Variants in GPRC5C observed in about 807,000 individuals in gnomAD.
GPRC5C encodes G protein-coupled receptor family C group 5 member C.
In GPRC5C, 22 loss-of-function variants were observed where a neutral mutation model predicts 31.4. That is an observed-to-expected ratio of 0.70 (90% CI 0.50 to 1.00). The LOEUF (loss-of-function observed/expected upper bound fraction) is 1.00, where lower values mean the gene tolerates loss of function less well. GPRC5C is among the 50% of genes least tolerant of loss of function. GPRC5C has a pLI of 0.00. For synonymous variants in GPRC5C, 249 were observed against 257.5 expected, an observed-to-expected ratio of 0.97 and a Z score of 0.32; for missense variants, 557 against 597.2, an observed-to-expected ratio of 0.93 and a Z score of 0.70.
rs1275213403 is a variant in GPRC5C, at chr17:74,439,869, C to T, written c.93C>T (p.Cys31=). The T allele has an allele frequency of 6.2e-7, 1 of 1,613,326 alleles. No individual in the cohort carries two copies. Among genetic ancestry groups the T allele is most frequent in the Non-Finnish European group, 8.5e-7 (1 of 1,180,022 alleles). The part of the protein sequence containing the change: ...AWAQGHVPPG[C]SQGLNPLYYN... Reference sequence around the variant, plus strand: ...CCCAGGGCCATGTCCCACCCGGCTGCAGCCAAGGCCTCAACCCCCTGTACT... The same window carrying T: ...CCCAGGGCCATGTCCCACCCGGCTGTAGCCAAGGCCTCAACCCCCTGTACT... Residue 31 remains cysteine (C), a synonymous_variant, in exon 2 of 4, where the codon TGC becomes TGT. Transcript: ENST00000392627.
At chr17:74,441,004 G>T (rs913015342) in intron 2 of GPRC5C, among the ~76,000 whole-genome samples, 177 bp downstream of exon 2, 4 of 151,904 alleles carry the variant, frequency 2.6e-5, no homozygotes, top group Non-Finnish European at 5.9e-5. Context: ...GTTGGGCATG[G>T]TAGATCATGC....
At chr17:74,435,015 T>C (rs547057668) in intron 1 of GPRC5C, among the ~76,000 whole-genome samples, 1 of 151,958 alleles carries the variant, frequency 6.6e-6, no homozygotes, top group East Asian at 1.9e-4. Context: ...GTCAGGAGAT[T>C]GAGACCATCC....
rs905589989 is a variant in GPRC5C, at chr17:74,440,686, AC to A, written c.912del (p.Lys305SerfsTer24). 6.2e-7 allele frequency: 1 copy of A among 1,608,472 alleles called. No individual in the cohort carries two copies. The highest frequency in any genetic ancestry group is 8.5e-7 in the Non-Finnish European group (1 of 1,175,696). ...FYVIPEVSQV[T>X]KSSPEQSYQG... ...CGTCATCCCCGAGGTCTCCCAGGTG[AC>A]CAAGTCCAGCCCAGAGCAAAGCTAC... is the stretch of plus-strand genomic sequence containing the variant. On this transcript the variant is annotated frameshift_variant, in exon 2 of 4. Coordinates refer to ENST00000392627, the MANE Select transcript of GPRC5C (RefSeq NM_022036.4). LOFTEE classifies it high-confidence loss of function. This position sits in a 1 kb window ranked among gnomAD's most constrained non-coding sequence, Gnocchi z 4.4.
intron 1 of GPRC5C, among the ~76,000 whole-genome samples, chr17:74,438,630 CT>C (rs1430808430): frequency 2.0e-5 from 3 of 152,112 alleles, no homozygotes; most frequent in African/African-American, 7.2e-5. Flanking sequence ...AACTCCTGGA[CT>C]CTAGCAATCT....
chr17:74,444,395 G>C (rs188584387), intron 3 of GPRC5C, among the ~76,000 whole-genome samples: 2 of 152,298 alleles, frequency 1.3e-5, no homozygotes, highest in Admixed American at 1.3e-4. Context: ...AGCAAGTCTC[G>C]ACCTTACACC....
chr17:74,435,124 C>T (rs2055414666), intron 1 of GPRC5C, among the ~76,000 whole-genome samples: 2 of 152,066 alleles, frequency 1.3e-5, no homozygotes, highest in African/African-American at 2.4e-5. Context: ...GAGGCTGAGG[C>T]AGGAGAATGG....
Position 74,440,028 on chromosome 17 carries a change from G to T in GPRC5C, c.252G>T (p.Arg84=). The T allele has an allele frequency of 6.2e-7, 1 of 1,610,828 alleles. No homozygotes were observed. Among genetic ancestry groups the T allele is most frequent in the Non-Finnish European group, 8.5e-7 (1 of 1,180,012 alleles). Residue 84 remains arginine, a synonymous_variant, in exon 2 of 4, where the codon CGG becomes CGT. Transcript: ENST00000392627. This position sits in a 1 kb window ranked among gnomAD's most constrained non-coding sequence, Gnocchi z 4.4. ...CCTTTGTGCAGGACACCAAGAAACGGAGCCTGCTGGGGACCCAGGTATTCT... is the reference window on the plus strand; with the variant it reads ...CCTTTGTGCAGGACACCAAGAAACGTAGCCTGCTGGGGACCCAGGTATTCT... The part of the protein sequence containing the change: ...SLPFVQDTKK[R]SLLGTQVFFL...
At chr17:74,433,839 G>A (rs955198022) in intron 1 of GPRC5C, 15 of 1,010,964 alleles carry the variant, frequency 1.5e-5, no homozygotes, top group Non-Finnish European at 2.1e-5. Flanking sequence ...TGGGTGGAGG[G>A]GGTCTCAGGC....
At chr17:74,434,389 G>A (rs1279996223) in intron 1 of GPRC5C, among the ~76,000 whole-genome samples, 1 of 152,212 alleles carries the variant, frequency 6.6e-6, no homozygotes, top group African/African-American at 2.4e-5. Context: ...AATGCCCACT[G>A]TGTTCAGGCA....
At chr17:74,434,341 G>A (rs1162817771) in intron 1 of GPRC5C, among the ~76,000 whole-genome samples, 1 of 152,178 alleles carries the variant, frequency 6.6e-6, no homozygotes, top group Non-Finnish European at 1.5e-5. Context: ...CCCTGGGTGT[G>A]GAGAAATGCA....
At chr17:74,432,977 AG>A (rs1473348078) in intron 1 of GPRC5C, among the ~76,000 whole-genome samples, 1 of 151,910 alleles carries the variant, frequency 6.6e-6, no homozygotes, top group East Asian at 1.9e-4. Flanking sequence ...TAGGGACGAG[AG>A]GGTTCAGAAT....
At chr17:74,444,178 C>T (rs1320787576) in intron 3 of GPRC5C, among the ~76,000 whole-genome samples, 1 of 152,198 alleles carries the variant, frequency 6.6e-6, no homozygotes, top group Non-Finnish European at 1.5e-5. Flanking sequence ...CAGGTTGTGT[C>T]GGGATGCTAT....
In GPRC5C at chr17:74,440,226, G is replaced by T. The variant is rs769649153; in HGVS notation, c.450G>T (p.Gly150=). The T allele has an allele frequency of 6.2e-7, 1 of 1,614,182 alleles. No homozygotes were observed. Among genetic ancestry groups the T allele is most frequent in the Admixed American group, 1.7e-5 (1 of 60,036 alleles). The change falls in exon 2 of 4, where the codon GGG becomes GGT. Residue 150 remains glycine (G), a synonymous_variant. Coordinates refer to ENST00000392627, the MANE Select transcript of GPRC5C (RefSeq NM_022036.4). The surrounding 1 kb of genome is among the most constrained non-coding windows in gnomAD (Gnocchi z 4.4). ...ACTTCCTGGCCCGGAAGAACCACGG[G>T]CCCCGGGGCTGGGTGATCTTCACTG... ...ALNFLARKNH[G]PRGWVIFTVA...
intron 3 of GPRC5C, among the ~76,000 whole-genome samples, chr17:74,444,234 C>T (rs1221231646): frequency 6.6e-6 from 1 of 152,154 alleles, no homozygotes; most frequent in African/African-American, 2.4e-5. Flanking sequence ...GCCAGCTTTA[C>T]CCTGGAGGGC....
chr17:74,435,507 CTGGCTGCTGGGCAGCAGCA>C (rs146937455), intron 1 of GPRC5C, among the ~76,000 whole-genome samples: 10,841 of 152,238 alleles, frequency 0.071, 1,162 homozygotes, highest in African/African-American at 0.23. Flanking sequence ...AAGCAGCAGC[CTGGCTGCTGGGCAGCAGCA>C]TGGTACCTGG....
At chr17:74,433,187 G>A (rs954088826) in intron 1 of GPRC5C, among the ~76,000 whole-genome samples, 2 of 152,122 alleles carry the variant, frequency 1.3e-5, no homozygotes, top group Non-Finnish European at 2.9e-5. Context: ...CCCGGGAGAG[G>A]AGACTGTTGG....
rs763241218 is a variant in GPRC5C, at chr17:74,440,013, G to A, written c.237G>A (p.Gln79=). The change falls in exon 2 of 4, where the codon CAG becomes CAA. Residue 79 remains glutamine (Q), a synonymous_variant. Transcript: ENST00000392627. This position sits in a 1 kb window ranked among gnomAD's most constrained non-coding sequence, Gnocchi z 4.4. ...TGGTGGCCAGCCTCCCCTTTGTGCA[G>A]GACACCAAGAAACGGAGCCTGCTGG... The part of the protein sequence containing the change: ...IILVASLPFV[Q]DTKKRSLLGT... 9.9e-6 allele frequency: 16 copies of A among 1,609,972 alleles called. No homozygotes were observed. The Admixed American group carries it at 1.0e-4, about 10-fold the overall frequency.
downstream of GPRC5C, among the ~76,000 whole-genome samples, chr17:74,448,184 C>T (rs1350267467): frequency 6.6e-6 from 1 of 151,954 alleles, no homozygotes; most frequent in Non-Finnish European, 1.5e-5. Flanking sequence ...GACATTAGTC[C>T]TAGCTACTCA....
At chr17:74,449,824 TCTC>T (rs768923994), downstream of GPRC5C, 1 of 159,876 alleles carries the variant, frequency 6.3e-6, no homozygotes, top group African/African-American at 2.4e-5. Context: ...CCTAGATGGA[TCTC>T]CTCCATGAGT....
Sources: allele counts gnomAD v4.1 joint callset (sites outside exome capture counted in the v4.1 genomes callset), GRCh38; gene constraint gnomAD v4.1.1; non-coding constraint Gnocchi (gnomAD v3.1); transcripts MANE v1.5; gene names NCBI Gene and HGNC (gene_info 2026-07-23, HGNC 2026-07-21).